CLSTN1: variants seen among roughly 807,000 people sequenced by gnomAD.
CLSTN1 encodes the protein calsyntenin 1.
A neutral mutation model predicts 108.3 loss-of-function variants in CLSTN1; 28 were observed. The ratio of observed to expected loss-of-function variants is 0.26; its 90% CI spans 0.19 to 0.35. The LOEUF (loss-of-function observed/expected upper bound fraction) is 0.35. CLSTN1 is among the 10% of genes least tolerant of loss of function. The pLI is 1.00. For synonymous variants in CLSTN1, 524 were observed against 534.9 expected (o/e 0.98, Z 0.28); for missense variants, 1,157 against 1,302.6 (o/e 0.89, Z 1.72).
chr1:9,786,365 G>A (rs1653486217), intron 1 of CLSTN1, among the ~76,000 whole-genome samples: 1 of 152,050 alleles, frequency 6.6e-6, no homozygotes, highest in Non-Finnish European at 1.5e-5. Context: ...GGTGAGGCTG[G>A]GCGCGGTGGC....
chr1:9,768,524 T>C (rs1442911558), intron 2 of CLSTN1, among the ~76,000 whole-genome samples: 6 of 76,200 alleles, frequency 7.9e-5, no homozygotes, highest in Non-Finnish European at 1.2e-4. Flanking sequence ...GCGATCTGTG[T>C]TGGGTGGCAC....
intron 4 of CLSTN1, 47 bp from the exon 5 acceptor site, chr1:9,751,728 TGA>T (rs748426168): frequency 4.5e-6 from 7 of 1,550,732 alleles, no homozygotes; most frequent in Admixed American, 3.4e-5. Context: ...GTTTTCAGTG[TGA>T]GAGAGAGACA....
rs1650315761 is a variant in CLSTN1, at chr1:9,730,634, T to C, written c.2820A>G (p.Glu940=). ...EEEEEESEDG[E]EEDDITSAES... is the part of the protein sequence containing the mutation. ...CGGCGCTGGTGATGTCATCCTCTTCTTCGCCGTCCTCGCTTTCCTCTTCCT... is the reference window on the plus strand; with the variant it reads ...CGGCGCTGGTGATGTCATCCTCTTCCTCGCCGTCCTCGCTTTCCTCTTCCT... The change falls in exon 19 of 19, where the codon GAA becomes GAG. Residue 940 remains glutamate (E), a synonymous_variant. Coordinates refer to ENST00000377298, the MANE Select transcript of CLSTN1 (RefSeq NM_001009566.3). The surrounding 1 kb of genome is among the most constrained non-coding windows in gnomAD (Gnocchi z 5.6). The C allele has an allele frequency of 6.2e-7, 1 of 1,610,384 alleles. No individual in the cohort carries two copies. Among genetic ancestry groups the C allele is most frequent in the Non-Finnish European group, 8.5e-7 (1 of 1,179,872 alleles).
At chr1:9,768,751 G>T (rs1301097257) in intron 2 of CLSTN1, among the ~76,000 whole-genome samples, 1 of 106,680 alleles carries the variant, frequency 9.4e-6, no homozygotes, top group East Asian at 3.3e-4. Context: ...GTGGCATCAT[G>T]GGGGCGGGGT....
intron 2 of CLSTN1, among the ~76,000 whole-genome samples, chr1:9,767,751 T>C (rs1024723536): frequency 3.3e-5 from 5 of 152,164 alleles, no homozygotes; most frequent in Non-Finnish European, 5.9e-5. Context: ...GTCTAGCCTC[T>C]GTCTTATCCA....
intron 1 of CLSTN1, among the ~76,000 whole-genome samples, chr1:9,784,400 C>T (rs1267826301): frequency 2.0e-5 from 3 of 151,572 alleles, no homozygotes; most frequent in East Asian, 3.9e-4. Context: ...CCCAGCTACT[C>T]GGGAGGCTGA....
rs1651122468 is a variant in CLSTN1 at position 9,744,010 on chromosome 1, A to G, written c.1235-5T>C. The G allele has an allele frequency of 1.9e-6, 3 of 1,612,406 alleles. No homozygotes were observed. The highest frequency in any genetic ancestry group is 1.3e-5 in the African/African-American group (1 of 74,918). ...AGTAGTGGTGCCGATTCATATCTGCAAAGGCAGTTTCTATGGGTAAATTGC... is the reference window on the plus strand; with the variant it reads ...AGTAGTGGTGCCGATTCATATCTGCGAAGGCAGTTTCTATGGGTAAATTGC... On this transcript the variant is annotated splice_region_variant and splice_polypyrimidine_tract_variant and intron_variant, in intron 8 of 18. Transcript: ENST00000377298.
intron 1 of CLSTN1, among the ~76,000 whole-genome samples, chr1:9,806,325 C>T (rs1654505818): frequency 1.3e-5 from 2 of 152,034 alleles, no homozygotes; most frequent in African/African-American, 2.4e-5. Flanking sequence ...AACAAAAACA[C>T]ATAACCACAA....
intron 2 of CLSTN1, among the ~76,000 whole-genome samples, chr1:9,768,692 G>T (rs1481854379): frequency 9.5e-6 from 1 of 105,524 alleles, no homozygotes; most frequent in Non-Finnish European, 1.9e-5. Flanking sequence ...TGGCACCATG[G>T]GGGTGGGGTT....
Position 9,788,376 on chromosome 1 carries a change from G to C in CLSTN1, c.92-14982C>G, listed in dbSNP as rs1392019361. Among the ~76,000 whole-genome samples the C allele has an allele frequency of 1.3e-5, 2 of 151,156 alleles. 1 individual carries two copies. Among genetic ancestry groups the C allele is most frequent in the East Asian group, 4.0e-4 (2 of 5,030 alleles). ...ACCTGAGGTTGGGAGTTTGAAACCA[G>C]CCTGGCCAACATGGTGAAACCCCAT... is the stretch of plus-strand genomic sequence containing the variant. On this transcript the variant is annotated intron_variant, in intron 1 of 18. Transcript: ENST00000377298.
In CLSTN1 at chr1:9,786,648, C is replaced by CAAAA. The variant is rs36003203; in HGVS notation, c.92-13258_92-13255dup. 8.9e-3 allele frequency among the ~76,000 whole-genome samples: 329 copies of CAAAA among 37,014 alleles called. 17 individuals are homozygous for CAAAA. The highest frequency in any genetic ancestry group is 0.014 in the African/African-American group (174 of 12,384). The allele number at this position is 37,014 out of a possible 152,430, so 24.3% of individuals were successfully genotyped here. Reference sequence around the variant, plus strand: ...GGCTGACAAGAGTGAGACTCCGTCTCAAAAAAAAAAAAAAAAAAAAAAAAA... The same window carrying CAAAA: ...GGCTGACAAGAGTGAGACTCCGTCTCAAAAAAAAAAAAAAAAAAAAAAAAAAAAA... On this transcript the variant is annotated intron_variant, in intron 1 of 18. Coordinates refer to ENST00000377298, the MANE Select transcript of CLSTN1 (RefSeq NM_001009566.3).
chr1:9,731,610 G>A (rs990584729), intron 17 of CLSTN1, 151 bp downstream of exon 17: 14 of 927,456 alleles, frequency 1.5e-5, no homozygotes, highest in East Asian at 2.6e-5. Flanking sequence ...TGCCCTCTTC[G>A]AGGGCTTTAG....
intron 4 of CLSTN1, among the ~76,000 whole-genome samples, chr1:9,752,315 TAAA>T (rs920515474): frequency 6.6e-6 from 1 of 151,776 alleles, no homozygotes; most frequent in Non-Finnish European, 1.5e-5. Flanking sequence ...TGGCTACAAA[TAAA>T]AAAAACTGTA....
At position 9,751,549 on chromosome 1, in the gene CLSTN1, G is replaced by A; in HGVS notation, c.573C>T (p.Asp191=). 1 of 1,614,212 alleles carries A rather than the reference G, an allele frequency of 6.2e-7. No individual in the cohort carries two copies. The highest frequency in any genetic ancestry group is 8.5e-7 in the Non-Finnish European group (1 of 1,180,032). The change falls in exon 5 of 19, where the codon GAC becomes GAT. Residue 191 remains aspartate, a synonymous_variant. Coordinates refer to ENST00000377298, the MANE Select transcript of CLSTN1 (RefSeq NM_001009566.3). ...SILRVEAVDA[D]CSPQFSQICS... is the part of the protein sequence containing the mutation. ...AAATCTGGCTGAACTGAGGGGAGCA[G>A]TCGGCATCCACGGCCTCCACCCTCA... is the stretch of plus-strand genomic sequence containing the variant.
intron 2 of CLSTN1, among the ~76,000 whole-genome samples, chr1:9,762,852 C>T (rs1417568717): frequency 6.6e-6 from 1 of 152,202 alleles, no homozygotes; most frequent in Non-Finnish European, 1.5e-5. Flanking sequence ...GCTGGGTGTC[C>T]GGGCTGTCCC....
chr1:9,769,769 G>A (rs1270369787), intron 2 of CLSTN1, among the ~76,000 whole-genome samples: 2 of 152,242 alleles, frequency 1.3e-5, no homozygotes, highest in South Asian at 2.1e-4. Flanking sequence ...TTGGCAGGGC[G>A]CGGTGGCTCA....
chr1:9,805,613 T>C (rs1386593547), intron 1 of CLSTN1, among the ~76,000 whole-genome samples: 2 of 152,190 alleles, frequency 1.3e-5, no homozygotes, highest in Non-Finnish European at 2.9e-5. Flanking sequence ...ACACCTGCAA[T>C]CCCAGCACTT....
rs1557686178 is a variant in CLSTN1, at chr1:9,729,854, T to TGGGGCGGGGC, written c.*644_*653dup. Reference sequence around the variant, plus strand: ...GCCATACTCAGACCTGAGCAGGGGCTGGGGCGGGGCTGGGCGGGGTGGGCC... The same window carrying TGGGGCGGGGC: ...GCCATACTCAGACCTGAGCAGGGGCTGGGGCGGGGCGGGGCGGGGCTGGGCGGGGTGGGCC... On this transcript the variant is annotated 3_prime_UTR_variant, in exon 19 of 19. Transcript: ENST00000377298. 6.6e-6 allele frequency: 1 copy of TGGGGCGGGGC among 152,538 alleles called. No individual in the cohort carries two copies. The highest frequency in any genetic ancestry group is 6.4e-5 in the Admixed American group (1 of 15,646). The allele number at this position is 152,538 out of a possible 1,614,324, so 9.4% of individuals were successfully genotyped here.
chr1:9,747,262 G>GA (rs1449984472), intron 7 of CLSTN1, among the ~76,000 whole-genome samples: 2 of 146,642 alleles, frequency 1.4e-5, no homozygotes, highest in Non-Finnish European at 3.0e-5. Context: ...TTATTCTGCT[G>GA]AAAAAAAATT....
Sources: gnomAD v4.1 joint callset for allele counts (sites outside exome capture counted in the v4.1 genomes callset) on GRCh38, gnomAD v4.1.1 for gene constraint, Gnocchi (gnomAD v3.1) non-coding constraint, MANE v1.5 for transcripts, NCBI Gene and HGNC (gene_info 2026-07-23, HGNC 2026-07-21) for gene names.